LDLRAD4: variants seen among roughly 807,000 people sequenced by gnomAD.
LDLRAD4 encodes low density lipoprotein receptor class A domain containing 4.
A neutral mutation model predicts 17.0 loss-of-function variants in LDLRAD4; 5 were observed. The ratio of observed to expected loss-of-function variants is 0.29; its 90% CI spans 0.15 to 0.62. The LOEUF (loss-of-function observed/expected upper bound fraction) is 0.62, where lower values mean the gene tolerates loss of function less well. Among genes scored for constraint, LDLRAD4 ranks in the 20% least tolerant of loss-of-function variants. The pLI is 0.84. For synonymous variants in LDLRAD4, 168 were observed against 171.8 expected, an observed-to-expected ratio of 0.98 and a Z score of 0.17; for missense variants, 340 against 424.7, an observed-to-expected ratio of 0.80 and a Z score of 1.75.
chr18:13,406,234 G>GC (rs1418023173), intron 2 of LDLRAD4, among the ~76,000 whole-genome samples: 1 of 152,154 alleles, frequency 6.6e-6, no homozygotes, highest in Non-Finnish European at 1.5e-5. Flanking sequence ...TGAAATTGCA[G>GC]CCCCCAAGTG....
chr18:13,519,924 G>A (rs1255250282), intron 3 of LDLRAD4: 1 of 152,168 alleles, frequency 6.6e-6, no homozygotes, highest in African/African-American at 2.4e-5. Flanking sequence ...GTTGCCTCAA[G>A]TCTATGCTGT....
At chr18:13,572,790 A>T (rs2094711224) in intron 3 of LDLRAD4, among the ~76,000 whole-genome samples, 1 of 152,212 alleles carries the variant, frequency 6.6e-6, no homozygotes, top group Non-Finnish European at 1.5e-5. Context: ...GATCATTTTT[A>T]CGGGGGTTCC....
intron 2 of LDLRAD4, chr18:13,427,230 G>T (rs2090006484): frequency 1.4e-5 from 2 of 144,758 alleles, no homozygotes; most frequent in Non-Finnish European, 3.0e-5. Flanking sequence ...CAAAAGGAAA[G>T]AAAAGAAAAG....
At chr18:13,517,334 T>C (rs1227572428) in intron 3 of LDLRAD4, among the ~76,000 whole-genome samples, 1 of 152,246 alleles carries the variant, frequency 6.6e-6, no homozygotes, top group Non-Finnish European at 1.5e-5. Flanking sequence ...CTTCTTTCTC[T>C]AACTGGATGA....
intron 1 of LDLRAD4, among the ~76,000 whole-genome samples, chr18:13,264,507 GTTGAC>G (rs1236629585): frequency 6.6e-6 from 1 of 152,260 alleles, no homozygotes; most frequent in African/African-American, 2.4e-5. Flanking sequence ...CTAATGGGGA[GTTGAC>G]TTCTCTGTGT....
Position 13,552,889 on chromosome 18 carries a change from G to A in LDLRAD4, c.182-68228G>A, listed in dbSNP as rs181939755. On this transcript the variant is annotated intron_variant, in intron 3 of 5. Coordinates refer to ENST00000359446, the Ensembl canonical transcript of LDLRAD4. ...TGTTAAGAAAAAGTCAGAGTTTGCT[G>A]CCCAAAAAAGTTCCTAGAGTTATTA... Among the ~76,000 whole-genome samples the A allele has an allele frequency of 1.6e-4, 24 of 152,148 alleles. No individual in the cohort carries two copies. The East Asian group carries it at 2.7e-3, about 17-fold the overall frequency.
At chr18:13,229,179 C>T (rs568238791) in intron 1 of LDLRAD4, among the ~76,000 whole-genome samples, 3 of 152,316 alleles carry the variant, frequency 2.0e-5, no homozygotes, top group African/African-American at 4.8e-5. Flanking sequence ...CTGCATCATC[C>T]GTGGTGTCCT....
chr18:13,566,245 C>A (rs1306751318), intron 3 of LDLRAD4, among the ~76,000 whole-genome samples: 6 of 152,152 alleles, frequency 3.9e-5, no homozygotes, highest in African/African-American at 1.4e-4. Context: ...GTAAGCTATC[C>A]CTTGGCTCCT....
At chr18:13,304,053 A>T (rs1044277308) in intron 1 of LDLRAD4, among the ~76,000 whole-genome samples, 5 of 152,236 alleles carry the variant, frequency 3.3e-5, no homozygotes, top group African/African-American at 1.2e-4. Flanking sequence ...CTGCACCGCC[A>T]GGGGTGGATC....
chr18:13,426,046 T>A (rs1206627537), intron 2 of LDLRAD4: 1 of 152,598 alleles, frequency 6.6e-6, no homozygotes, highest in African/African-American at 2.4e-5. Context: ...AGCTCCTGGG[T>A]GCTGGGCCAT....
At chr18:13,471,157 T>C (rs920092627) in intron 3 of LDLRAD4, 1 of 152,298 alleles carries the variant, frequency 6.6e-6, no homozygotes, top group African/African-American at 2.4e-5. Context: ...TCCGTGGCCT[T>C]TCTAACTGGC....
intron 3 of LDLRAD4, among the ~76,000 whole-genome samples, chr18:13,530,723 G>T (rs568987629): frequency 6.6e-6 from 1 of 152,218 alleles, no homozygotes; most frequent in Non-Finnish European, 1.5e-5. Flanking sequence ...GACATGCAGG[G>T]ACCCTGCCAG....
intron 3 of LDLRAD4, among the ~76,000 whole-genome samples, chr18:13,507,697 T>C (rs1401798066): frequency 1.3e-5 from 2 of 152,208 alleles, no homozygotes; most frequent in African/African-American, 4.8e-5. Flanking sequence ...ACCATACCCA[T>C]ATAAGACAGT....
At chr18:13,295,054 A>G (rs1481097135) in intron 1 of LDLRAD4, among the ~76,000 whole-genome samples, 1 of 152,210 alleles carries the variant, frequency 6.6e-6, no homozygotes, top group African/African-American at 2.4e-5. Flanking sequence ...TTGCCCTGAA[A>G]GAAGCAAATT....
chr18:13,620,135 T>G (rs1267388850), intron 3 of LDLRAD4, among the ~76,000 whole-genome samples: 1 of 152,160 alleles, frequency 6.6e-6, no homozygotes, highest in East Asian at 1.9e-4. Flanking sequence ...GATCTCTGCC[T>G]GCATCGCCCC....
chr18:13,271,631 C>G (rs1197445369), intron 1 of LDLRAD4, among the ~76,000 whole-genome samples: 1 of 152,196 alleles, frequency 6.6e-6, no homozygotes, highest in Non-Finnish European at 1.5e-5. Context: ...TCCTTGAATG[C>G]CGATAGCGTT....
chr18:13,628,370 C>CCCTG (rs2041359619), intron 4 of LDLRAD4, among the ~76,000 whole-genome samples: 1 of 152,322 alleles, frequency 6.6e-6, no homozygotes, highest in Admixed American at 6.5e-5. Context: ...GCAAGGCAGA[C>CCCTG]CCTGCTGCAC....
At chr18:13,452,728 A>G (rs1031575161) in intron 3 of LDLRAD4, among the ~76,000 whole-genome samples, 3 of 152,206 alleles carry the variant, frequency 2.0e-5, no homozygotes, top group Non-Finnish European at 4.4e-5. Flanking sequence ...TCTCTCCACA[A>G]TTCCACCAGG....
intron 1 of LDLRAD4, among the ~76,000 whole-genome samples, chr18:13,292,115 C>T (rs577225619): frequency 3.9e-5 from 6 of 152,294 alleles, no homozygotes; most frequent in Admixed American, 3.9e-4. Flanking sequence ...GTTCCCTGGC[C>T]TCTAGGAGCT....
Sources: allele counts gnomAD v4.1 joint callset (sites outside exome capture counted in the v4.1 genomes callset), GRCh38; gene constraint gnomAD v4.1.1; transcripts MANE v1.5; gene names NCBI Gene and HGNC (gene_info 2026-07-23, HGNC 2026-07-21).